Variants in C4orf50 observed in about 807,000 individuals in gnomAD.
The protein encoded by C4orf50 is chromosome 4 open reading frame 50.
Under a neutral mutation model 77.2 loss-of-function variants are expected in C4orf50, and 80 were observed. The observed-to-expected ratio is 1.04, with a 90% CI of 0.87 to 1.25. The LOEUF (loss-of-function observed/expected upper bound fraction) is 1.25, where lower values mean the gene tolerates loss of function less well. Among genes scored for constraint, C4orf50 ranks in the 50% most tolerant of loss-of-function variants. The pLI is 0.00. For missense variants in C4orf50, 1,257 were observed against 1,152.9 expected (o/e 1.09, Z -1.31); for synonymous variants, 532 against 465.3 (o/e 1.14, Z -1.84).
intron 29 of C4orf50, among the ~76,000 whole-genome samples, chr4:5,979,790 T>G (rs1720470872): frequency 6.6e-6 from 1 of 152,232 alleles, no homozygotes; most frequent in African/African-American, 2.4e-5. Flanking sequence ...CTCTCCAGTT[T>G]TAAACGTGTG....
intron 7 of C4orf50, among the ~76,000 whole-genome samples, chr4:5,929,958 G>T (rs1202195679): frequency 1.3e-5 from 2 of 152,202 alleles, no homozygotes; most frequent in Non-Finnish European, 2.9e-5. Flanking sequence ...AGTTAGAGGT[G>T]GCTTTTACTT....
chr4:5,943,997 C>A (rs771138083), intron 7 of C4orf50, among the ~76,000 whole-genome samples: 1 of 152,198 alleles, frequency 6.6e-6, no homozygotes, highest in Non-Finnish European at 1.5e-5. Flanking sequence ...TACAGCTGGG[C>A]AGTCCCACAA....
At chr4:5,922,967 TC>T (rs1467772933) in intron 7 of C4orf50, among the ~76,000 whole-genome samples, 9 of 152,300 alleles carry the variant, frequency 5.9e-5, no homozygotes, top group Admixed American at 1.3e-4. Context: ...TCATTAGTAA[TC>T]ATCATTCTAA....
Position 5,904,714 on chromosome 4 carries a change from A to C in C4orf50, c.*2475-6526T>G, listed in dbSNP as rs774280698. The C allele has an allele frequency of 8.5e-5, 13 of 152,180 alleles. 1 individual carries two copies. Among genetic ancestry groups the C allele is most frequent in the Admixed American group, 5.9e-4 (9 of 15,284 alleles). The allele number at this position is 152,180 out of a possible 1,614,324, so 9.4% of individuals were successfully genotyped here. ...CTTATTTGCAAATCTGATGAAATCC[A>C]TGCTCCTTCTCCCTAGGAAAGAGTT... On this transcript the variant is annotated intron_variant, in intron 7 of 7. Transcript: ENST00000324058.
In C4orf50 at chr4:6,011,367, G is replaced by A. The variant is rs567250668; in HGVS notation, c.426+463C>T. On this transcript the variant is annotated intron_variant, in intron 24 of 33. Coordinates refer to ENST00000531445, the Ensembl canonical transcript of C4orf50. This position sits in a 1 kb window ranked among gnomAD's most constrained non-coding sequence, Gnocchi z 4.2. ...CCGTGCTGTCAGCCACGCCTCACAT[G>A]CCCTTCCCAACAAGGCCCAGCTCAC... Among the ~76,000 whole-genome samples, 3 of 152,090 alleles carry A rather than the reference G, an allele frequency of 2.0e-5. No individual in the cohort carries two copies. In the South Asian group the frequency reaches 6.2e-4, roughly 32 times the overall value.
At chr4:5,907,068 T>C (rs1560535426) in intron 7 of C4orf50, among the ~76,000 whole-genome samples, 1 of 152,226 alleles carries the variant, frequency 6.6e-6, no homozygotes, top group African/African-American at 2.4e-5. Context: ...CTCTTATGTG[T>C]TAAGCTCATA....
At chr4:5,957,586 G>A (rs538425651) in exon 34 of C4orf50, 2 of 152,162 alleles carry the variant, frequency 1.3e-5, no homozygotes, top group African/African-American at 2.4e-5. Flanking sequence ...GGTCTCCAGG[G>A]GGGTCCCTGA....
chr4:5,945,313 C>T (rs1481297125), intron 7 of C4orf50, among the ~76,000 whole-genome samples: 1 of 152,214 alleles, frequency 6.6e-6, no homozygotes, highest in Non-Finnish European at 1.5e-5. Flanking sequence ...CAGCTTGGTA[C>T]CCACATTCCC....
rs1470226223 is a variant in C4orf50 at position 5,900,367 on chromosome 4, T to C, written c.*2475-2179A>G. ...CCTTTGACCAGCTTTGGTGCTTGAT[T>C]TCACACCGAGAAACTAGGTAAGGAA... On this transcript the variant is annotated intron_variant, in intron 7 of 7. Coordinates refer to the C4orf50 transcript ENST00000324058. The surrounding 1 kb of genome is among the most constrained non-coding windows in gnomAD (Gnocchi z 4.3). 1.3e-5 allele frequency: 2 copies of C among 152,050 alleles called. No homozygotes were observed. The highest frequency in any genetic ancestry group is 2.9e-5 in the Non-Finnish European group (2 of 68,016). 9.4% of individuals were successfully genotyped at this position (152,050 alleles called of 1,614,324 possible).
chr4:5,989,965 C>T, exon 28 of C4orf50: 1 of 1,413,496 alleles, frequency 7.1e-7, no homozygotes, highest in Non-Finnish European at 9.2e-7. Context: ...CCCAGTGGCT[C>T]TGACTTTCCC....
At chr4:5,971,619 G>C (rs571141648) in intron 31 of C4orf50, among the ~76,000 whole-genome samples, 3 of 152,130 alleles carry the variant, frequency 2.0e-5, no homozygotes, top group Non-Finnish European at 4.4e-5. Flanking sequence ...CCCTGCTCTC[G>C]TTCTGGGCTC....
At chr4:5,983,610 G>A (rs1374338415) in intron 28 of C4orf50, among the ~76,000 whole-genome samples, 1 of 152,178 alleles carries the variant, frequency 6.6e-6, no homozygotes, top group Non-Finnish European at 1.5e-5. Flanking sequence ...TGCTTTGCAG[G>A]CATTGGAAGA....
intron 7 of C4orf50, among the ~76,000 whole-genome samples, chr4:5,929,524 T>G (rs1306288454): frequency 6.6e-6 from 1 of 152,238 alleles, no homozygotes; most frequent in Non-Finnish European, 1.5e-5. Context: ...AAGTGAATTG[T>G]GTTTTAATAA....
At chr4:5,928,474 C>T (rs1409407640) in intron 7 of C4orf50, among the ~76,000 whole-genome samples, 2 of 152,088 alleles carry the variant, frequency 1.3e-5, no homozygotes, top group Non-Finnish European at 1.5e-5. Flanking sequence ...GATGAAAGAC[C>T]TTTGTTTGTT....
rs199813264 is a variant in C4orf50, at chr4:6,004,283, A to G, written c.963+3713T>C. ...GGTGATGGTGGTGATGGTGATGGTGATGTTGGTGATGATGGTGATGGTGGT... is the reference window on the plus strand; with the variant it reads ...GGTGATGGTGGTGATGGTGATGGTGGTGTTGGTGATGATGGTGATGGTGGT... On this transcript the variant is annotated intron_variant, in intron 25 of 33. Coordinates refer to ENST00000531445, the Ensembl canonical transcript of C4orf50. Among the ~76,000 whole-genome samples, 286 of 42,332 alleles carry G rather than the reference A, an allele frequency of 6.8e-3. 2 individuals are homozygous for G. Among genetic ancestry groups the G allele is most frequent in the South Asian group, 7.8e-3 (6 of 774 alleles). 27.8% of individuals were successfully genotyped at this position (42,332 alleles called of 152,430 possible). A position where few individuals can be genotyped will look rare whatever the true frequency, so the allele number is the denominator to read the frequency against.
chr4:6,003,503 ATGATGG>A (rs1268284009), intron 25 of C4orf50, among the ~76,000 whole-genome samples: 3 of 151,456 alleles, frequency 2.0e-5, no homozygotes, highest in African/African-American at 7.3e-5. Flanking sequence ...GATGTTGGTG[ATGATGG>A]TGATGGTGAT....
intron 7 of C4orf50, among the ~76,000 whole-genome samples, chr4:5,935,933 G>C (rs139457404): frequency 6.6e-6 from 1 of 151,818 alleles, no homozygotes; most frequent in African/African-American, 2.4e-5. Context: ...CTATTGAATA[G>C]AGACCATAAA....
intron 28 of C4orf50, among the ~76,000 whole-genome samples, chr4:5,987,145 G>A (rs192211524): frequency 1.2e-4 from 18 of 151,942 alleles, no homozygotes; most frequent in Admixed American, 3.3e-4. Context: ...GTACGGTGGC[G>A]CATGCCTGTA....
intron 7 of C4orf50, among the ~76,000 whole-genome samples, chr4:5,944,011 G>T (rs1718379251): frequency 6.6e-6 from 1 of 152,150 alleles, no homozygotes; most frequent in African/African-American, 2.4e-5. Context: ...CCCACAACAG[G>T]CTCTTTGGGA....
Sources: gnomAD v4.1 joint callset for allele counts (sites outside exome capture counted in the v4.1 genomes callset) on GRCh38, gnomAD v4.1.1 for gene constraint, Gnocchi (gnomAD v3.1) non-coding constraint, MANE v1.5 for transcripts, NCBI Gene and HGNC (gene_info 2026-07-23, HGNC 2026-07-21) for gene names.